NOL10: variants seen among roughly 807,000 people sequenced by gnomAD.
NOL10 encodes nucleolar protein 10, also known as H_NH0074G24.1.
NOL10 carries 58 observed loss-of-function variants against 103.5 expected under a neutral mutation model. That is an observed-to-expected ratio of 0.56 (90% CI 0.45 to 0.70). The LOEUF (loss-of-function observed/expected upper bound fraction) is 0.70. NOL10 is among the 30% of genes least tolerant of loss of function. NOL10 has a pLI of 0.00. For synonymous variants in NOL10, 287 were observed against 282.5 expected (o/e 1.02, Z -0.16); for missense variants, 763 against 807.3 (o/e 0.95, Z 0.67).
chr2:10,589,528 A>T (rs948919311), intron 18 of NOL10, 50 bp downstream of exon 18: 1 of 1,393,914 alleles, frequency 7.2e-7, no homozygotes, highest in Non-Finnish European at 9.7e-7. Context: ...CAAAGAAAAC[A>T]TTACATTAAA....
At chr2:10,670,059 A>G (rs374996167) in intron 6 of NOL10, among the ~76,000 whole-genome samples, 15 of 152,212 alleles carry the variant, frequency 9.9e-5, no homozygotes, top group Middle Eastern at 3.4e-3. Context: ...TAAAAAACTA[A>G]TAATAAAACC....
chr2:10,609,329 T>A (rs1237097938), intron 13 of NOL10, among the ~76,000 whole-genome samples: 1 of 150,494 alleles, frequency 6.6e-6, no homozygotes, highest in Non-Finnish European at 1.5e-5. Context: ...GGCTCACGCC[T>A]GTAATCCCAG....
chr2:10,634,687 C>A (rs542106923), intron 13 of NOL10: 1 of 440,932 alleles, frequency 2.3e-6, no homozygotes, highest in Admixed American at 2.5e-5. Flanking sequence ...TAAGTCCTAG[C>A]GCTCACTAAC....
chr2:10,653,159 C>T (rs896069183), intron 12 of NOL10, among the ~76,000 whole-genome samples: 1 of 150,454 alleles, frequency 6.6e-6, no homozygotes, highest in Non-Finnish European at 1.5e-5. Flanking sequence ...TGTGCCACTG[C>T]GCTCCAGCCT....
At chr2:10,678,988 G>C (rs1681525182) in intron 3 of NOL10, among the ~76,000 whole-genome samples, 1 of 152,136 alleles carries the variant, frequency 6.6e-6, no homozygotes, top group East Asian at 1.9e-4. Context: ...CACTTTGAGA[G>C]ACAGGCGGAC....
chr2:10,688,024 C>T (rs1055482818), intron 1 of NOL10, among the ~76,000 whole-genome samples: 4 of 152,216 alleles, frequency 2.6e-5, no homozygotes, highest in Non-Finnish European at 1.5e-5. Flanking sequence ...CACCACCGTG[C>T]ACCCACTTGT....
intron 13 of NOL10, among the ~76,000 whole-genome samples, chr2:10,625,253 C>T (rs1359034412): frequency 2.0e-5 from 3 of 152,096 alleles, no homozygotes; most frequent in Non-Finnish European, 4.4e-5. Flanking sequence ...CAAGAGTGGA[C>T]TCTAATGTAA....
At chr2:10,614,727 T>C (rs1407108983) in intron 13 of NOL10, among the ~76,000 whole-genome samples, 1 of 152,196 alleles carries the variant, frequency 6.6e-6, no homozygotes, top group Non-Finnish European at 1.5e-5. Flanking sequence ...AGATAAGAGA[T>C]GATGGAGTTG....
chr2:10,580,033 G>A lies in NOL10; in HGVS notation c.1845-2295C>T, dbSNP rs372860265. Among the ~76,000 whole-genome samples, 5 of 152,310 alleles carry A rather than the reference G, an allele frequency of 3.3e-5. No individual in the cohort carries two copies. In the East Asian group the frequency reaches 7.7e-4, roughly 24 times the overall value. On this transcript the variant is annotated intron_variant, in intron 19 of 20. Transcript: ENST00000381685. ...TATTTGGAAAGACAAGCTGAGTTTT[G>A]GAACAAACCATGGCAGAAGATCAGA...
chr2:10,643,155 C>CTTCAT (rs1678828792), intron 13 of NOL10, among the ~76,000 whole-genome samples: 2 of 152,216 alleles, frequency 1.3e-5, no homozygotes, highest in Admixed American at 1.3e-4. Flanking sequence ...TTTGAACGGC[C>CTTCAT]TTCATTTCAC....
intron 1 of NOL10, among the ~76,000 whole-genome samples, chr2:10,688,455 T>C (rs1484004022): frequency 6.6e-6 from 1 of 152,204 alleles, no homozygotes; most frequent in Non-Finnish European, 1.5e-5. Flanking sequence ...TGTGGGGCTT[T>C]TGCACTTTCT....
At chr2:10,623,933 A>C (rs1210957144) in intron 13 of NOL10, among the ~76,000 whole-genome samples, 1 of 152,224 alleles carries the variant, frequency 6.6e-6, no homozygotes, top group Non-Finnish European at 1.5e-5. Flanking sequence ...AGGAACTCTC[A>C]TTCACTGATG....
chr2:10,639,006 T>C (rs1053954940), intron 13 of NOL10, among the ~76,000 whole-genome samples: 2 of 151,362 alleles, frequency 1.3e-5, no homozygotes, highest in African/African-American at 4.9e-5. Context: ...TTTCACTATG[T>C]TTGCTAGGCT....
chr2:10,583,516 G>A (rs1312941662), intron 19 of NOL10, among the ~76,000 whole-genome samples: 1 of 152,182 alleles, frequency 6.6e-6, no homozygotes, highest in East Asian at 1.9e-4. Context: ...AGACGCATGG[G>A]CTCCTTTATT....
chr2:10,662,338 T>C (rs1384528112), intron 9 of NOL10, among the ~76,000 whole-genome samples: 2 of 152,210 alleles, frequency 1.3e-5, no homozygotes, highest in Non-Finnish European at 2.9e-5. Context: ...AGTGCTGTGA[T>C]GGACGTCCCA....
At chr2:10,633,904 G>A (rs1039908313) in intron 13 of NOL10, among the ~76,000 whole-genome samples, 2 of 151,932 alleles carry the variant, frequency 1.3e-5, no homozygotes, top group African/African-American at 2.4e-5. Flanking sequence ...ATAGCTTACT[G>A]TAGCCTCAAA....
chr2:10,661,708 G>A (rs72777328), intron 9 of NOL10, among the ~76,000 whole-genome samples: 34,959 of 151,824 alleles, frequency 0.23, 4,300 homozygotes, highest in South Asian at 0.47. Flanking sequence ...ACTCTCCTGA[G>A]TTTCTCAGGC....
At chr2:10,658,908 G>C (rs1403050247) in intron 10 of NOL10, among the ~76,000 whole-genome samples, 2 of 151,966 alleles carry the variant, frequency 1.3e-5, no homozygotes, top group East Asian at 3.9e-4. Flanking sequence ...GTGAGACCCT[G>C]TCTCTACAAA....
intron 13 of NOL10, among the ~76,000 whole-genome samples, chr2:10,622,364 C>T (rs1039317599): frequency 6.6e-6 from 1 of 151,978 alleles, no homozygotes; most frequent in African/African-American, 2.4e-5. Flanking sequence ...TCATACGTGA[C>T]TTGACTGCAC....
Sources: gnomAD v4.1 joint callset for allele counts (sites outside exome capture counted in the v4.1 genomes callset) on GRCh38, gnomAD v4.1.1 for gene constraint, MANE v1.5 for transcripts, NCBI Gene and HGNC (gene_info 2026-07-23, HGNC 2026-07-21) for gene names.